The following DNAH14 variants were observed in gnomAD, a reference collection of about 807,000 sequenced individuals.
The protein encoded by DNAH14 is dynein axonemal heavy chain 14.
In DNAH14, 478 loss-of-function variants were observed where a neutral mutation model predicts 520.9. That is an observed-to-expected ratio of 0.92 (90% CI 0.85 to 0.99). The LOEUF (loss-of-function observed/expected upper bound fraction) is 0.99. DNAH14 is among the 50% of genes least tolerant of loss of function. DNAH14 has a pLI of 0.00. For missense variants in DNAH14, 4,831 were observed against 5,234.5 expected (o/e 0.92, Z 2.38); for synonymous variants, 1,581 against 1,757.2 (o/e 0.90, Z 2.51).
At chr1:224,980,542 G>C (rs2062188055) in intron 8 of DNAH14, among the ~76,000 whole-genome samples, 1 of 152,216 alleles carries the variant, frequency 6.6e-6, no homozygotes, top group East Asian at 1.9e-4. Flanking sequence ...GACCTATCCA[G>C]GGCCTGGGGG....
At chr1:224,942,288 C>T (rs905094907) in intron 1 of DNAH14, among the ~76,000 whole-genome samples, 1 of 152,118 alleles carries the variant, frequency 6.6e-6, no homozygotes, top group Non-Finnish European at 1.5e-5. Flanking sequence ...TGGGAGTTCA[C>T]TCATGATTTG....
chr1:225,104,753 G>C (rs1442560367), intron 23 of DNAH14, among the ~76,000 whole-genome samples: 1 of 151,358 alleles, frequency 6.6e-6, no homozygotes, highest in Non-Finnish European at 1.5e-5. Context: ...ATTTTTTATT[G>C]TGTCTATTTG....
At chr1:225,171,505 A>G (rs1038798147) in intron 36 of DNAH14, among the ~76,000 whole-genome samples, 1 of 152,234 alleles carries the variant, frequency 6.6e-6, no homozygotes, top group African/African-American at 2.4e-5. Context: ...TATGCAAATA[A>G]CCTTGAAAAT....
At chr1:225,078,341 A>G (rs949298386) in intron 17 of DNAH14, among the ~76,000 whole-genome samples, 2 of 152,212 alleles carry the variant, frequency 1.3e-5, no homozygotes, top group Admixed American at 1.3e-4. Flanking sequence ...GTACGTAAAG[A>G]ACCTATCACA....
At chr1:224,955,245 C>A in intron 3 of DNAH14, 147 bp downstream of exon 3, 1 of 813,096 alleles carries the variant, frequency 1.2e-6, no homozygotes, top group Non-Finnish European at 2.0e-6. Context: ...TTAGTTATAG[C>A]AGTTAGCAGT....
Position 225,153,451 on chromosome 1 carries a change from GTCC to G in DNAH14, c.5197-293_5197-291del, listed in dbSNP as rs1252621320. Among the ~76,000 whole-genome samples, 4 of 152,206 alleles carry G rather than the reference GTCC, an allele frequency of 2.6e-5. No homozygotes were observed. The East Asian group carries it at 7.7e-4, about 29-fold the overall frequency. ...ACAGCTAACCACATTTTCTCCAAAAGTCCTCCTCTTTTAATTTTCTTTCAATTT... is the reference window on the plus strand; with the variant it reads ...ACAGCTAACCACATTTTCTCCAAAAGTCCTCTTTTAATTTTCTTTCAATTT... On this transcript the variant is annotated intron_variant, in intron 33 of 85. Coordinates refer to ENST00000682510, the MANE Select transcript of DNAH14 (RefSeq NM_001367479.1).
At chr1:225,282,517 C>T (rs1368429494) in intron 54 of DNAH14, among the ~76,000 whole-genome samples, 2 of 152,192 alleles carry the variant, frequency 1.3e-5, no homozygotes, top group African/African-American at 2.4e-5. Flanking sequence ...TAACTTGAGA[C>T]ATGGTCCCAG....
intron 8 of DNAH14, among the ~76,000 whole-genome samples, chr1:224,982,075 G>A (rs1352578339): frequency 6.6e-6 from 1 of 152,046 alleles, no homozygotes; most frequent in African/African-American, 2.4e-5. Context: ...GAGACAAATG[G>A]CCCTCTCAGG....
At chr1:225,118,774 T>C (rs939678617) in intron 25 of DNAH14, among the ~76,000 whole-genome samples, 3 of 151,438 alleles carry the variant, frequency 2.0e-5, no homozygotes, top group African/African-American at 7.3e-5. Flanking sequence ...TCCCAGCTAC[T>C]TGGGGGGCTG....
At chr1:225,228,335 G>A (rs1023029652) in intron 41 of DNAH14, among the ~76,000 whole-genome samples, 5 of 152,122 alleles carry the variant, frequency 3.3e-5, no homozygotes, top group Admixed American at 6.5e-5. Context: ...AATATGTAGG[G>A]GAGCAACAAG....
rs1457696001 is a variant in DNAH14 at position 225,102,196 on chromosome 1, C to T, written c.3867+1312C>T. Among the ~76,000 whole-genome samples, 24 of 152,070 alleles carry T rather than the reference C, an allele frequency of 1.6e-4. No homozygotes were observed. The East Asian group carries it at 4.3e-3, about 27-fold the overall frequency. On this transcript the variant is annotated intron_variant, in intron 23 of 85. Coordinates refer to ENST00000682510, the MANE Select transcript of DNAH14 (RefSeq NM_001367479.1). ...GAGAATGATGGTTTCCAGCTTCATC[C>T]ATGTCCCTACAAAGGACATGAACTC...
chr1:225,290,093 T>C lies in DNAH14; in HGVS notation c.8469+11T>C. 1 of 1,381,756 alleles carries C rather than the reference T, an allele frequency of 7.2e-7. No individual in the cohort carries two copies. The highest frequency in any genetic ancestry group is 9.5e-7 in the Non-Finnish European group (1 of 1,055,944). The allele number at this position is 1,381,756 out of a possible 1,614,324, so 85.6% of individuals were successfully genotyped here. A position where few individuals can be genotyped will look rare whatever the true frequency, so the allele number is the denominator to read the frequency against. On this transcript the variant is annotated intron_variant, in intron 55 of 85. Coordinates refer to ENST00000682510, the MANE Select transcript of DNAH14 (RefSeq NM_001367479.1). Reference sequence around the variant, plus strand: ...TTAAACATAGAACAAGTAAGTACTTTTTGTCTTTGCTATTTGCTGAAGTTT... The same window carrying C: ...TTAAACATAGAACAAGTAAGTACTTCTTGTCTTTGCTATTTGCTGAAGTTT...
At chr1:225,096,451 A>G (rs1032575638) in intron 21 of DNAH14, among the ~76,000 whole-genome samples, 2 of 152,164 alleles carry the variant, frequency 1.3e-5, no homozygotes, top group Admixed American at 6.6e-5. Context: ...GAGTTAGGGG[A>G]TGGACAAGTC....
rs2095882115 is a variant in DNAH14, at chr1:225,389,768, A to G, written c.13225A>G (p.Ile4409Val). The change falls in exon 83 of 86, where the codon ATT (isoleucine) becomes GTT (valine). Residue 4409 changes from isoleucine (I) to valine (V), a missense_variant. Ile to Val is a conservative substitution (Grantham distance 29). Coordinates refer to ENST00000682510, the MANE Select transcript of DNAH14 (RefSeq NM_001367479.1). Reference protein sequence around the residue: ...MRFVTVWKQSIPSTSQKCKHP... With the variant: ...MRFVTVWKQSVPSTSQKCKHP... The stretch of plus-strand genomic sequence containing the variant: ...ATTTGTCACAGTTTGGAAGCAGTCT[A>G]TTCCATCAACTAGCCAAAAATGCAA... 6.4e-7 allele frequency: 1 copy of G among 1,552,242 alleles called. No individual in the cohort carries two copies. Among genetic ancestry groups the G allele is most frequent in the Non-Finnish European group, 8.7e-7 (1 of 1,147,104 alleles).
intron 37 of DNAH14, 64 bp downstream of exon 37, chr1:225,185,489 T>C: frequency 7.1e-7 from 1 of 1,417,330 alleles, no homozygotes; most frequent in Non-Finnish European, 9.3e-7. Context: ...ACTTTAATAT[T>C]TTATGTTCTC....
At chr1:225,380,910 T>G (rs933187298) in intron 80 of DNAH14, among the ~76,000 whole-genome samples, 1 of 152,186 alleles carries the variant, frequency 6.6e-6, no homozygotes, top group Non-Finnish European at 1.5e-5. Flanking sequence ...CATTGTTGAG[T>G]CTCAATCAAA....
intron 23 of DNAH14, among the ~76,000 whole-genome samples, chr1:225,116,969 AC>A (rs1282186205): frequency 2.6e-5 from 4 of 152,304 alleles, no homozygotes; most frequent in African/African-American, 7.2e-5. Context: ...AAGCAAGTAG[AC>A]AGTAGCTAAA....
At chr1:225,076,805 T>A (rs1001093114) in intron 17 of DNAH14, among the ~76,000 whole-genome samples, 5 of 152,160 alleles carry the variant, frequency 3.3e-5, no homozygotes, top group Admixed American at 2.0e-4. Flanking sequence ...TTCTTTTTTT[T>A]TTATTATACT....
chr1:225,150,811 C>A (rs2080431997), intron 31 of DNAH14, among the ~76,000 whole-genome samples: 1 of 152,056 alleles, frequency 6.6e-6, no homozygotes. Flanking sequence ...CTTACTGCAA[C>A]CTCTGCCTCC....
Sources: gnomAD v4.1 joint callset for allele counts (sites outside exome capture counted in the v4.1 genomes callset) on GRCh38, gnomAD v4.1.1 for gene constraint, MANE v1.5 for transcripts, NCBI Gene and HGNC (gene_info 2026-07-23, HGNC 2026-07-21) for gene names.